The following DNAJC15 variants were observed in gnomAD, a reference collection of about 807,000 sequenced individuals.
DNAJC15 encodes the protein DnaJ heat shock protein family (Hsp40) member C15.
DNAJC15 carries 27 observed loss-of-function variants against 22.4 expected under a neutral mutation model. The observed-to-expected ratio is 1.20, with a 90% CI of 0.89 to 1.66. DNAJC15 has a LOEUF of 1.66. Ranked by LOEUF, DNAJC15 falls within the 40% of genes most tolerant of loss-of-function variation. The probability of loss-of-function intolerance (pLI) is 0.00; values close to 1 mark genes in which losing one functional copy is unlikely to be tolerated. For missense variants in DNAJC15, 208 were observed against 187.1 expected (o/e 1.11, Z -0.65); for synonymous variants, 79 against 63.2 (o/e 1.25, Z -1.19).
intron 5 of DNAJC15, among the ~76,000 whole-genome samples, chr13:43,105,096 A>T (rs757971871): frequency 2.6e-5 from 4 of 151,726 alleles, no homozygotes; most frequent in African/African-American, 4.8e-5. Context: ...CATTTAGTAC[A>T]GGTTACATAT....
intron 5 of DNAJC15, among the ~76,000 whole-genome samples, chr13:43,102,217 TTG>T (rs1566218254): frequency 6.6e-6 from 1 of 152,182 alleles, no homozygotes; most frequent in Non-Finnish European, 1.5e-5. Flanking sequence ...TGTTGGCCAT[TTG>T]TGTATCTTCT....
At chr13:43,090,633 G>A (rs371553785) in intron 5 of DNAJC15, among the ~76,000 whole-genome samples, 3 of 151,648 alleles carry the variant, frequency 2.0e-5, no homozygotes, top group Non-Finnish European at 4.4e-5. Context: ...TTATCAAGGC[G>A]CTCTGGCCTC....
chr13:43,043,859 A>G (rs182685725), intron 1 of DNAJC15, among the ~76,000 whole-genome samples: 153 of 152,214 alleles, frequency 1.0e-3, no homozygotes, highest in African/African-American at 3.4e-3. Context: ...AGAAGTTCAA[A>G]TGTATTTGCT....
At chr13:43,077,571 A>G (rs2040639389) in intron 3 of DNAJC15, among the ~76,000 whole-genome samples, 1 of 152,286 alleles carries the variant, frequency 6.6e-6, no homozygotes, top group East Asian at 1.9e-4. Context: ...CAATGTTTCT[A>G]TCCCATGTCA....
intron 5 of DNAJC15, among the ~76,000 whole-genome samples, chr13:43,103,480 T>G (rs2040781197): frequency 6.6e-6 from 1 of 152,248 alleles, no homozygotes; most frequent in African/African-American, 2.4e-5. Context: ...AAGTCAACAT[T>G]CATCCATGGA....
chr13:43,024,407 G>C (rs369267201), intron 1 of DNAJC15, among the ~76,000 whole-genome samples: 10 of 144,624 alleles, frequency 6.9e-5, no homozygotes, highest in Admixed American at 4.9e-4. Flanking sequence ...GCAGTGGCGC[G>C]ATCTCGGCTC....
intron 1 of DNAJC15, among the ~76,000 whole-genome samples, chr13:43,047,143 C>T (rs538676250): frequency 3.9e-5 from 6 of 152,098 alleles, no homozygotes; most frequent in Non-Finnish European, 8.8e-5. Flanking sequence ...AAGACCCGCC[C>T]GTAACAGTGG....
chr13:43,090,951 C>G lies in DNAJC15; in HGVS notation c.382+5113C>G, dbSNP rs529075525. On this transcript the variant is annotated intron_variant, in intron 5 of 5. Transcript: ENST00000379221. ...TCTCCTGACATCGTGATCCACCCAC[C>G]TTGGCCTCCCAAAGTGAGATTAGTC... Among the ~76,000 whole-genome samples, 27 of 152,196 alleles carry G rather than the reference C, an allele frequency of 1.8e-4. No homozygotes were observed. The East Asian group carries it at 4.8e-3, about 27-fold the overall frequency.
intron 3 of DNAJC15, among the ~76,000 whole-genome samples, chr13:43,071,684 A>G (rs763196185): frequency 5.3e-5 from 8 of 152,202 alleles, no homozygotes; most frequent in Non-Finnish European, 1.2e-4. Context: ...TAGGGTTACT[A>G]AAAAGACAGG....
chr13:43,069,098 T>G (rs2040596927), intron 3 of DNAJC15, 95 bp downstream of exon 3: 2 of 1,273,684 alleles, frequency 1.6e-6, no homozygotes, highest in Non-Finnish European at 2.2e-6. Context: ...GATTTTCCAA[T>G]GTTTGTAGAA....
intron 5 of DNAJC15, among the ~76,000 whole-genome samples, chr13:43,104,657 GTTA>G (rs2040787296): frequency 6.7e-6 from 1 of 150,060 alleles, no homozygotes; most frequent in Admixed American, 6.7e-5. Context: ...GTTGAAGAGT[GTTA>G]TTTTTTTTGT....
At chr13:43,043,306 C>T (rs772626992) in intron 1 of DNAJC15, among the ~76,000 whole-genome samples, 13 of 152,082 alleles carry the variant, frequency 8.5e-5, no homozygotes, top group Non-Finnish European at 1.9e-4. Context: ...CGGGGTTTCA[C>T]CATGTTGGCC....
chr13:43,086,480 A>G (rs1331933761), intron 5 of DNAJC15, among the ~76,000 whole-genome samples: 1 of 152,120 alleles, frequency 6.6e-6, no homozygotes. Context: ...GGGGGAGGAA[A>G]GTGAAGGGTT....
chr13:43,043,828 C>T (rs529166661), intron 1 of DNAJC15, among the ~76,000 whole-genome samples: 39 of 152,032 alleles, frequency 2.6e-4, no homozygotes, highest in African/African-American at 9.2e-4. Flanking sequence ...GTAAGGGTTT[C>T]GTGGGAATTG....
chr13:43,042,720 G>GT (rs2153439895), intron 1 of DNAJC15, among the ~76,000 whole-genome samples: 1 of 152,148 alleles, frequency 6.6e-6, no homozygotes, highest in South Asian at 2.1e-4. Flanking sequence ...TCTTGAGGCA[G>GT]TATTTCTTCT....
rs1404655594 is a variant in DNAJC15 at position 43,112,686 on chromosome 13, A to G, written c.*5438A>G. 1 of 152,110 alleles carries G rather than the reference A, an allele frequency of 6.6e-6. No homozygotes were observed. Among genetic ancestry groups the G allele is most frequent in the East Asian group, 1.9e-4 (1 of 5,196 alleles). 9.4% of individuals were successfully genotyped at this position (152,110 alleles called of 1,614,324 possible). On this transcript the variant is annotated 3_prime_UTR_variant, in exon 6 of 6. Transcript: ENST00000379221. ...CTAAGAGGTACTATTATGTATCCCC[A>G]TTTTACAGGTTAAGAAACAGGCTCA...
rs983067986 is a variant in DNAJC15 at position 43,079,485 on chromosome 13, T to A, written c.311+797T>A. Among the ~76,000 whole-genome samples, 6 of 152,158 alleles carry A rather than the reference T, an allele frequency of 3.9e-5. No homozygotes were observed. In the East Asian group the frequency reaches 1.2e-3, roughly 29 times the overall value. ...AAGAGTTGGGAGGAGGAGCCCAGTTTAGTTTGGTGCTTTATTTAAGAGATC... is the reference window on the plus strand; with the variant it reads ...AAGAGTTGGGAGGAGGAGCCCAGTTAAGTTTGGTGCTTTATTTAAGAGATC... On this transcript the variant is annotated intron_variant, in intron 4 of 5. Transcript: ENST00000379221.
chr13:43,079,817 C>G (rs2040653485), intron 4 of DNAJC15, among the ~76,000 whole-genome samples: 1 of 152,068 alleles, frequency 6.6e-6, no homozygotes, highest in Admixed American at 6.5e-5. Context: ...TTTACATTCT[C>G]TTAAGATATA....
At chr13:43,023,896 C>G (rs1300542656) in intron 1 of DNAJC15, among the ~76,000 whole-genome samples, 162 bp downstream of exon 1, 2 of 152,256 alleles carry the variant, frequency 1.3e-5, no homozygotes, top group Non-Finnish European at 2.9e-5. Flanking sequence ...TTGTGCTGGG[C>G]TTTGACGCCT....
Sources: allele counts gnomAD v4.1 joint callset (sites outside exome capture counted in the v4.1 genomes callset), GRCh38; gene constraint gnomAD v4.1.1; transcripts MANE v1.5; gene names NCBI Gene and HGNC (gene_info 2026-07-23, HGNC 2026-07-21).